The following LSAMP variants were observed in gnomAD, a reference collection of about 807,000 sequenced individuals.
LSAMP encodes limbic system associated membrane protein, also known as limbic system-associated membrane protein.
A neutral mutation model predicts 38.6 loss-of-function variants in LSAMP; 7 were observed. That is an observed-to-expected ratio of 0.18 (90% CI 0.10 to 0.34). The LOEUF is 0.34. LSAMP is among the 10% of genes least tolerant of loss of function. LSAMP has a pLI of 1.00. For missense variants in LSAMP, 313 were observed against 420.0 expected (o/e 0.75, Z 2.23); for synonymous variants, 154 against 166.8 (o/e 0.92, Z 0.59).
At chr3:115,968,193 T>C (rs1185949550) in intron 3 of LSAMP, among the ~76,000 whole-genome samples, 2 of 152,054 alleles carry the variant, frequency 1.3e-5, no homozygotes, top group African/African-American at 2.4e-5. Flanking sequence ...TACTGCACTG[T>C]GGCCTAGCTG....
At chr3:116,349,517 T>TCTCA (rs570979421) in intron 1 of LSAMP, among the ~76,000 whole-genome samples, 6 of 147,402 alleles carry the variant, frequency 4.1e-5, no homozygotes. Context: ...TCTCTCTCTC[T>TCTCA]CACACACACA....
Position 115,838,479 on chromosome 3 carries a change from C to T in LSAMP, c.919+3366G>A, listed in dbSNP as rs777834942. 5.3e-5 allele frequency among the ~76,000 whole-genome samples: 8 copies of T among 152,162 alleles called. No homozygotes were observed. In the South Asian group the frequency reaches 6.2e-4, roughly 12 times the overall value. On this transcript the variant is annotated intron_variant, in intron 6 of 6. Coordinates refer to ENST00000490035, the MANE Select transcript of LSAMP (RefSeq NM_002338.5). ...TTTTCATCTATGTCATGCATATCCC[C>T]GTCTGAGAAAGACTAGGGAGCTGAA...
intron 1 of LSAMP, among the ~76,000 whole-genome samples, chr3:116,217,957 A>G (rs1176527040): frequency 2.0e-5 from 3 of 152,188 alleles, no homozygotes; most frequent in Admixed American, 1.3e-4. Flanking sequence ...GGTTCAGGTG[A>G]AAAGAACCAC....
intron 3 of LSAMP, among the ~76,000 whole-genome samples, chr3:116,009,358 G>T (rs1272431670): frequency 3.3e-5 from 5 of 152,028 alleles, no homozygotes; most frequent in African/African-American, 1.2e-4. Flanking sequence ...ATTTTAATAA[G>T]ATTCTTCAGA....
chr3:116,277,466 G>A (rs2047071350), intron 1 of LSAMP, among the ~76,000 whole-genome samples: 1 of 151,748 alleles, frequency 6.6e-6, no homozygotes, highest in Non-Finnish European at 1.5e-5. Flanking sequence ...TCTCCCAGGT[G>A]CACGCAATTT....
At chr3:116,296,244 A>G (rs1358529211) in intron 1 of LSAMP, among the ~76,000 whole-genome samples, 1 of 152,064 alleles carries the variant, frequency 6.6e-6, no homozygotes, top group Non-Finnish European at 1.5e-5. Context: ...GATTATTTAA[A>G]CCCCAAAGGC....
At chr3:116,105,095 T>A (rs188876096) in intron 1 of LSAMP, among the ~76,000 whole-genome samples, 1 of 152,108 alleles carries the variant, frequency 6.6e-6, no homozygotes, top group East Asian at 1.9e-4. Flanking sequence ...AAAGTTTGAC[T>A]TGGGTATAGG....
At chr3:116,279,516 G>C (rs1298695120) in intron 1 of LSAMP, among the ~76,000 whole-genome samples, 1 of 152,170 alleles carries the variant, frequency 6.6e-6, no homozygotes, top group Non-Finnish European at 1.5e-5. Flanking sequence ...TCATGTGAAA[G>C]ATTCTCTACA....
At chr3:116,221,993 C>CATCTCCAA (rs200682326) in intron 1 of LSAMP, among the ~76,000 whole-genome samples, 2,951 of 152,148 alleles carry the variant, frequency 0.019, 102 homozygotes, top group East Asian at 0.13. Context: ...CTCTTATGAG[C>CATCTCCAA]TGGTTCTGAG....
chr3:116,428,245 G>A (rs911191372), intron 1 of LSAMP, among the ~76,000 whole-genome samples: 4 of 152,074 alleles, frequency 2.6e-5, no homozygotes, highest in African/African-American at 9.7e-5. Flanking sequence ...AGATCATGAG[G>A]TCAAGAGATC....
chr3:116,296,084 A>G (rs566742870), intron 1 of LSAMP, among the ~76,000 whole-genome samples: 2 of 152,330 alleles, frequency 1.3e-5, no homozygotes, highest in Admixed American at 6.5e-5. Context: ...AGATGGAAAA[A>G]TCAAATCAAT....
At chr3:115,928,455 T>TA in intron 3 of LSAMP, among the ~76,000 whole-genome samples, 1 of 152,322 alleles carries the variant, frequency 6.6e-6, no homozygotes, top group South Asian at 2.1e-4. Context: ...CTGTGGGTTA[T>TA]AAAAAAGGCT....
chr3:115,875,002 A>G (rs563369567), intron 3 of LSAMP, among the ~76,000 whole-genome samples: 2 of 152,244 alleles, frequency 1.3e-5, no homozygotes, highest in South Asian at 4.1e-4. Context: ...TACACACATC[A>G]ATATTATCTC....
At chr3:116,303,742 G>A (rs577413398) in intron 1 of LSAMP, among the ~76,000 whole-genome samples, 6 of 152,258 alleles carry the variant, frequency 3.9e-5, no homozygotes, top group Middle Eastern at 3.4e-3. Context: ...TAATCAGTAC[G>A]TGCGGATTGG....
In LSAMP at chr3:116,437,731, A is replaced by G. The variant is rs188697689; in HGVS notation, c.155+7146T>C. 3.3e-5 allele frequency among the ~76,000 whole-genome samples: 5 copies of G among 152,220 alleles called. No individual in the cohort carries two copies. The East Asian group carries it at 9.7e-4, about 29-fold the overall frequency. On this transcript the variant is annotated intron_variant, in intron 1 of 6. Coordinates refer to ENST00000490035, the MANE Select transcript of LSAMP (RefSeq NM_002338.5). ...AGGAGAGAAAGACAATTTTAAGGAT[A>G]CATTTATGTATAATAAAAATGGCAT...
chr3:116,213,610 CCAACATGTGGAAACAAACTAAATAGA>C (rs956090416), intron 1 of LSAMP, among the ~76,000 whole-genome samples: 5 of 152,024 alleles, frequency 3.3e-5, no homozygotes, highest in African/African-American at 7.3e-5. Flanking sequence ...AACTCAATAG[CCAACATGTGGAAACAAACTAAATAGA>C]CAACATGTGG....
At chr3:116,348,914 T>C (rs1427685650) in intron 1 of LSAMP, among the ~76,000 whole-genome samples, 1 of 152,178 alleles carries the variant, frequency 6.6e-6, no homozygotes, top group Admixed American at 6.6e-5. Context: ...TGTATTATCT[T>C]TGACAAGCCA....
chr3:116,433,281 TA>T (rs2049306484), intron 1 of LSAMP, among the ~76,000 whole-genome samples: 1 of 152,064 alleles, frequency 6.6e-6, no homozygotes, highest in South Asian at 2.1e-4. Flanking sequence ...GTAGCATAAC[TA>T]AAGTACAACT....
chr3:116,123,992 T>C lies in LSAMP; in HGVS notation c.156-37436A>G, dbSNP rs186088408. On this transcript the variant is annotated intron_variant, in intron 1 of 6. Coordinates refer to ENST00000490035, the MANE Select transcript of LSAMP (RefSeq NM_002338.5). The stretch of plus-strand genomic sequence containing the variant: ...TGTTCACTCAGGAACTATAAGAGTA[T>C]AATTTTGGGGCAAAGGCTTCCTTAC... Among the ~76,000 whole-genome samples, 192 of 152,270 alleles carry C rather than the reference T, an allele frequency of 1.3e-3. 1 individual carries two copies. Among genetic ancestry groups the C allele is most frequent in the Middle Eastern group, 3.4e-3 (1 of 294 alleles).
Sources: gnomAD v4.1 joint callset for allele counts (sites outside exome capture counted in the v4.1 genomes callset) on GRCh38, gnomAD v4.1.1 for gene constraint, MANE v1.5 for transcripts, NCBI Gene and HGNC (gene_info 2026-07-23, HGNC 2026-07-21) for gene names.